MYO15A: variants seen among roughly 807,000 people sequenced by gnomAD.
The protein encoded by MYO15A is myosin XVA.
A neutral mutation model predicts 394.6 loss-of-function variants in MYO15A; 308 were observed. That is an observed-to-expected ratio of 0.78 (90% CI 0.71 to 0.86). MYO15A has a LOEUF of 0.86. MYO15A is among the 40% of genes least tolerant of loss of function. The pLI, the probability that MYO15A is intolerant of heterozygous loss-of-function variation, is 0.00. For synonymous variants in MYO15A, 1,957 were observed against 2,003.8 expected (o/e 0.98, Z 0.62); for missense variants, 4,606 against 4,799.1 (o/e 0.96, Z 1.19).
chr17:18,114,369 A>G lies in MYO15A; in HGVS notation c.-219-4213A>G, dbSNP rs146207883. 1.2e-4 allele frequency among the ~76,000 whole-genome samples: 18 copies of G among 148,952 alleles called. No individual in the cohort carries two copies. In the East Asian group the frequency reaches 3.6e-3, roughly 30 times the overall value. On this transcript the variant is annotated intron_variant, in intron 1 of 65. Transcript: ENST00000647165. ...CAGGTTCAAGTGATTCTCCTGCCTC[A>G]GCCTCCTGAGTAGCTGCAATTACAG...
At chr17:18,144,083 G>A in intron 28 of MYO15A, 83 bp downstream of exon 28, 1 of 1,591,966 alleles carries the variant, frequency 6.3e-7, no homozygotes, top group Non-Finnish European at 8.6e-7. Flanking sequence ...CCTGGGGCAG[G>A]CTCCTGGCTG....
intron 62 of MYO15A, among the ~76,000 whole-genome samples, chr17:18,169,003 C>G (rs2046897680): frequency 6.7e-6 from 1 of 149,422 alleles, no homozygotes; most frequent in Non-Finnish European, 1.5e-5. Flanking sequence ...ATCCCAGCTA[C>G]TCAGGAGGCT....
At chr17:18,114,419 T>C (rs2045760903) in intron 1 of MYO15A, among the ~76,000 whole-genome samples, 1 of 151,998 alleles carries the variant, frequency 6.6e-6, no homozygotes, top group Admixed American at 6.6e-5. Context: ...GCCCAGCTAA[T>C]TTTTGTATTT....
Position 18,122,110 on chromosome 17 carries a change from G to A in MYO15A, c.3310G>A (p.Gly1104Ser), listed in dbSNP as rs919809633. The A allele has an allele frequency of 9.3e-6, 15 of 1,612,906 alleles. No homozygotes were observed. In the South Asian group the frequency reaches 1.6e-4, roughly 18 times the overall value. Residue 1104 changes from glycine (G) to serine (S), a missense_variant, in exon 2 of 66, where the codon GGT becomes AGT. Physicochemically the swap from Gly to Ser is moderately conservative, Grantham distance 56 (BLOSUM62 0). Coordinates refer to ENST00000647165, the MANE Select transcript of MYO15A (RefSeq NM_016239.4). The part of the protein sequence containing the change: ...IRAPEPLPKG[G>S]ERRQAAPGRF... ...GGCCCCAGAGCCCCTGCCCAAGGGG[G>A]GTGAACGGCGCCAGGCAGCCCCTGG... is the stretch of plus-strand genomic sequence containing the variant.
rs781143752 is a variant in MYO15A, at chr17:18,153,890, CAA to C, written c.8084_8085del (p.Lys2695ArgfsTer16). The C allele has an allele frequency of 6.2e-6, 10 of 1,613,532 alleles. No individual in the cohort carries two copies. The highest frequency in any genetic ancestry group is 1.3e-5 in the African/African-American group (1 of 75,024). ...QDAPWKIFLR[K>X]EVFYPKDSYS... ...ACGCCCCCTGGAAGATCTTCCTGCG[CAA>C]AGAGGTGCCGAGCACAGCCGTAGCC... On this transcript the variant is annotated frameshift_variant, in exon 43 of 66. Transcript: ENST00000647165. LOFTEE classifies it high-confidence loss of function. The surrounding 1 kb of genome is among the most constrained non-coding windows in gnomAD (Gnocchi z 4.1).
In MYO15A at chr17:18,121,961, A is replaced by G. The variant is rs776063232; in HGVS notation, c.3161A>G (p.Gln1054Arg). 6 of 1,613,348 alleles carry G rather than the reference A, an allele frequency of 3.7e-6. No homozygotes were observed. Among genetic ancestry groups the G allele is most frequent in the South Asian group, 1.1e-5 (1 of 91,088 alleles). The change falls in exon 2 of 66, where the codon CAA (glutamine) becomes CGA (arginine). Residue 1054 changes from glutamine to arginine, a missense_variant. Physicochemically the swap from Gln to Arg is conservative, Grantham distance 43 (BLOSUM62 1). Around this residue, in one of 2 missense-constraint regions of MYO15A, gnomAD observed 1,830 missense variants for 1,689.7 expected, o/e 1.08. Coordinates refer to ENST00000647165, the MANE Select transcript of MYO15A (RefSeq NM_016239.4). The surrounding 1 kb of genome is among the most constrained non-coding windows in gnomAD (Gnocchi z 5.3). ...ITPPKDVLPE[Q>R]KTLRPSLSYP... ...CCCCCCAAGGATGTCCTCCCAGAGC[A>G]AAAGACATTAAGGCCCAGCCTCTCA... is the stretch of plus-strand genomic sequence containing the variant.
chr17:18,125,100 T>C (rs888539599), intron 3 of MYO15A, 68 bp from the exon 4 acceptor site: 46 of 1,444,278 alleles, frequency 3.2e-5, no homozygotes, highest in Non-Finnish European at 4.1e-5. Flanking sequence ...CTGCACTGAG[T>C]TGGGGAGGGA....
chr17:18,149,673 C>A, intron 35 of MYO15A, 93 bp downstream of exon 35: 2 of 1,327,796 alleles, frequency 1.5e-6, no homozygotes, highest in Non-Finnish European at 2.2e-6. Context: ...GAGAGCTTCT[C>A]ACAGCCAGGG....
At chr17:18,158,255 G>T (rs374806158) in intron 51 of MYO15A, 1 of 590,632 alleles carries the variant, frequency 1.7e-6, no homozygotes. Flanking sequence ...CGAGGGGCGG[G>T]GTCAGCTGTG....
Position 18,148,279 on chromosome 17 carries a change from G to T in MYO15A, c.6691+69G>T. 1 of 1,592,836 alleles carries T rather than the reference G, an allele frequency of 6.3e-7. No individual in the cohort carries two copies. The highest frequency in any genetic ancestry group is 1.1e-5 in the South Asian group (1 of 89,054). ...CAGGGCCCAGTGAGCCCCGGGGATGGCAGAAGCCACTGGATGTTCTGGAGC... is the reference window on the plus strand; with the variant it reads ...CAGGGCCCAGTGAGCCCCGGGGATGTCAGAAGCCACTGGATGTTCTGGAGC... On this transcript the variant is annotated intron_variant, in intron 31 of 65. Coordinates refer to ENST00000647165, the MANE Select transcript of MYO15A (RefSeq NM_016239.4). This position sits in a 1 kb window ranked among gnomAD's most constrained non-coding sequence, Gnocchi z 4.8.
intron 52 of MYO15A, 83 bp downstream of exon 52, chr17:18,158,721 C>T (rs924564973): frequency 3.9e-6 from 6 of 1,522,680 alleles, no homozygotes; most frequent in African/African-American, 1.4e-5. Context: ...CTGTCAGTCT[C>T]GGAGGCCCCA....
At chr17:18,129,883 T>A (rs1196611289) in intron 7 of MYO15A, among the ~76,000 whole-genome samples, 2 of 152,056 alleles carry the variant, frequency 1.3e-5, no homozygotes, top group South Asian at 4.1e-4. Flanking sequence ...GTTTTTTGTT[T>A]TTGTTTTTGT....
intron 12 of MYO15A, 125 bp from the exon 13 acceptor site, chr17:18,135,586 C>T (rs181459832): frequency 2.3e-6 from 2 of 860,200 alleles, no homozygotes; most frequent in African/African-American, 1.7e-5. Flanking sequence ...GGTGATCCAC[C>T]CGCCTCAGCC....
rs775386271 is a variant in MYO15A at position 18,154,143 on chromosome 17, A to G, written c.8101A>G (p.Lys2701Glu). The stretch of plus-strand genomic sequence containing the variant: ...CCCGCCCCTGCAGGTGTTTTACCCC[A>G]AGGACAGCTACAGCCATCCTGTGCA... ...IFLRKEVFYPKDSYSHPVQLD... is the reference protein window; with the variant it reads ...IFLRKEVFYPEDSYSHPVQLD... The change falls in exon 44 of 66, where the codon AAG becomes GAG. Residue 2701 changes from lysine (K) to glutamate (E), a missense_variant. Physicochemically the swap from Lys to Glu is moderately conservative, Grantham distance 56. Around this residue, in one of 2 missense-constraint regions of MYO15A, gnomAD observed 2,776 missense variants for 3,109.3 expected, o/e 0.89. Coordinates refer to ENST00000647165, the MANE Select transcript of MYO15A (RefSeq NM_016239.4). 2 of 1,614,064 alleles carry G rather than the reference A, an allele frequency of 1.2e-6. No homozygotes were observed. The highest frequency in any genetic ancestry group is 2.2e-5 in the South Asian group (2 of 91,088).
In MYO15A at chr17:18,119,563, G is replaced by T; in HGVS notation, c.763G>T (p.Glu255Ter). 1 of 1,606,944 alleles carries T rather than the reference G, an allele frequency of 6.2e-7. No individual in the cohort carries two copies. The change falls in exon 2 of 66, where the codon GAG (glutamate) becomes TAG (stop). Residue 255 changes from glutamate to a stop codon, truncating the protein, a stop_gained. Coordinates refer to ENST00000647165, the MANE Select transcript of MYO15A (RefSeq NM_016239.4). LOFTEE classifies it high-confidence loss of function. ...YYDRQSLHRY[E>*]EQEPYLAGLG... ...CGACCGGCAGTCACTCCACCGCTACGAGGAGCAGGAACCCTACCTGGCGGG... is the reference window on the plus strand; with the variant it reads ...CGACCGGCAGTCACTCCACCGCTACTAGGAGCAGGAACCCTACCTGGCGGG...
Position 18,153,969 on chromosome 17 carries a change from G to T in MYO15A, c.8088+73G>T, listed in dbSNP as rs2046630846. The T allele has an allele frequency of 3.1e-6, 5 of 1,610,238 alleles. No homozygotes were observed. The highest frequency in any genetic ancestry group is 4.2e-6 in the Non-Finnish European group (5 of 1,177,922). On this transcript the variant is annotated intron_variant, in intron 43 of 65. Transcript: ENST00000647165. This position sits in a 1 kb window ranked among gnomAD's most constrained non-coding sequence, Gnocchi z 4.1. ...GAGGGGCTGAAGCGAGCAGAGGAGG[G>T]TCTAGGACTTGGGGAGGGAGCCCAG... is the stretch of plus-strand genomic sequence containing the variant.
chr17:18,142,031 C>A, intron 23 of MYO15A, 48 bp from the exon 24 acceptor site: 1 of 1,604,870 alleles, frequency 6.2e-7, no homozygotes, highest in South Asian at 1.1e-5. Flanking sequence ...GGCCCTTAGT[C>A]CAGCCTCCTG....
Position 18,120,043 on chromosome 17 carries a change from C to G in MYO15A, c.1243C>G (p.Pro415Ala). The change falls in exon 2 of 66, where the codon CCA becomes GCA. Residue 415 changes from proline (P) to alanine (A), a missense_variant. Pro to Ala is a conservative substitution (Grantham distance 27). Transcript: ENST00000647165. ...SASAFVYPWVPPPIPSPHNPY... is the reference protein window; with the variant it reads ...SASAFVYPWVAPPIPSPHNPY... ...TTCGGCCTTTGTGTACCCCTGGGTA[C>G]CACCGCCCATCCCGTCGCCCCACAA... 1.2e-6 allele frequency: 2 copies of G among 1,613,524 alleles called. No individual in the cohort carries two copies. The highest frequency in any genetic ancestry group is 1.7e-6 in the Non-Finnish European group (2 of 1,179,980).
intron 60 of MYO15A, chr17:18,164,233 G>C (rs751160232): frequency 9.9e-6 from 3 of 303,944 alleles, no homozygotes; most frequent in Non-Finnish European, 1.9e-5. Flanking sequence ...CTTAATAATG[G>C]CCAGAGAAGC....
Sources: gnomAD v4.1 joint callset for allele counts (sites outside exome capture counted in the v4.1 genomes callset) on GRCh38, gnomAD v4.1.1 for gene constraint, gnomAD v4.1.1 regional missense constraint, Gnocchi (gnomAD v3.1) non-coding constraint, MANE v1.5 for transcripts, NCBI Gene and HGNC (gene_info 2026-07-23, HGNC 2026-07-21) for gene names.